Variants in TLE4 observed in about 807,000 individuals in gnomAD.
TLE4 encodes transducin-like enhancer protein 4.
A neutral mutation model predicts 92.8 loss-of-function variants in TLE4; 8 were observed. That is an observed-to-expected ratio of 0.09 (90% CI 0.05 to 0.16). The LOEUF is 0.16. TLE4 is among the 10% of genes least tolerant of loss of function. The pLI, the probability that TLE4 is intolerant of heterozygous loss-of-function variation, is 1.00. For synonymous variants in TLE4, 371 were observed against 374.1 expected (o/e 0.99, Z 0.10); for missense variants, 675 against 997.6 (o/e 0.68, Z 4.36).
At chr9:79,655,815 A>G (rs527255416) in intron 8 of TLE4, among the ~76,000 whole-genome samples, 63 of 152,330 alleles carry the variant, frequency 4.1e-4, no homozygotes, top group African/African-American at 1.5e-3. Flanking sequence ...TTATAAATAT[A>G]TACCTTTAGG....
At chr9:79,603,482 A>C (rs1587953230) in intron 4 of TLE4, among the ~76,000 whole-genome samples, 1 of 152,306 alleles carries the variant, frequency 6.6e-6, no homozygotes, top group East Asian at 1.9e-4. Flanking sequence ...ATTTTCTAGC[A>C]ATAAAGTATT....
intron 14 of TLE4, among the ~76,000 whole-genome samples, chr9:79,712,997 A>G (rs1322003199): frequency 6.6e-6 from 1 of 152,240 alleles, no homozygotes; most frequent in East Asian, 1.9e-4. Context: ...TGCCTGATAC[A>G]TAGTAAAAAC....
chr9:79,653,441 C>T (rs1161782620), intron 7 of TLE4, among the ~76,000 whole-genome samples: 1 of 152,170 alleles, frequency 6.6e-6, no homozygotes, highest in African/African-American at 2.4e-5. Context: ...GATTTCCTTC[C>T]TCCACTAAGG....
chr9:79,631,880 G>C lies in TLE4; in HGVS notation c.390+4432G>C, dbSNP rs116303967. On this transcript the variant is annotated intron_variant, in intron 6 of 19. Transcript: ENST00000376552. The stretch of plus-strand genomic sequence containing the variant: ...TATGTGGGTATATATAAAAATGTGT[G>C]TGTGTGTGTTTCCCTCCCTTACATT... Among the ~76,000 whole-genome samples the C allele has an allele frequency of 4.0e-3, 610 of 152,234 alleles. 5 individuals are homozygous for C. The highest frequency in any genetic ancestry group is 0.014 in the African/African-American group (584 of 41,530).
At chr9:79,612,123 G>C (rs561294032) in intron 4 of TLE4, among the ~76,000 whole-genome samples, 1 of 152,010 alleles carries the variant, frequency 6.6e-6, no homozygotes, top group Non-Finnish European at 1.5e-5. Flanking sequence ...GTAAGAATCC[G>C]AATTAGCCAA....
chr9:79,711,749 G>A (rs2073344222), intron 14 of TLE4, among the ~76,000 whole-genome samples: 1 of 152,184 alleles, frequency 6.6e-6, no homozygotes, highest in Admixed American at 6.5e-5. Flanking sequence ...CCCTTCATCA[G>A]TTTTAACTTT....
intron 7 of TLE4, 157 bp downstream of exon 7, chr9:79,652,951 T>C (rs1206147670): frequency 1.2e-6 from 1 of 854,820 alleles, no homozygotes; most frequent in Admixed American, 1.7e-5. Context: ...AGTAGTCAAT[T>C]GCCAAATGAT....
intron 8 of TLE4, among the ~76,000 whole-genome samples, chr9:79,682,195 C>G (rs949571936): frequency 6.6e-6 from 1 of 152,124 alleles, no homozygotes; most frequent in African/African-American, 2.4e-5. Context: ...CTTTTATCCA[C>G]TATTCTGAAA....
chr9:79,644,246 A>T (rs529229166), intron 6 of TLE4, among the ~76,000 whole-genome samples: 2 of 152,092 alleles, frequency 1.3e-5, no homozygotes, highest in Admixed American at 6.5e-5. Flanking sequence ...TGCCACGTGA[A>T]GAAGGGCATG....
intron 1 of TLE4, chr9:79,573,240 G>A: frequency 9.9e-7 from 1 of 1,013,890 alleles, no homozygotes; most frequent in Non-Finnish European, 1.2e-6. Flanking sequence ...GGCCCCTCGC[G>A]CCGCGGGCCG....
At chr9:79,578,216 T>C (rs1215854113) in intron 4 of TLE4, among the ~76,000 whole-genome samples, 1 of 152,166 alleles carries the variant, frequency 6.6e-6, no homozygotes, top group Admixed American at 6.5e-5. Flanking sequence ...AAAGCAGCAA[T>C]AATGCAGGGA....
intron 4 of TLE4, among the ~76,000 whole-genome samples, chr9:79,612,095 TTTG>T (rs2133057497): frequency 6.6e-6 from 1 of 152,162 alleles, no homozygotes; most frequent in East Asian, 1.9e-4. Context: ...AAGAAAACAT[TTTG>T]TTCTCCAAGA....
chr9:79,605,508 C>T (rs192759202), intron 4 of TLE4, among the ~76,000 whole-genome samples: 4 of 152,224 alleles, frequency 2.6e-5, no homozygotes. Context: ...CGAATAGGCA[C>T]CTATCTAGGA....
intron 5 of TLE4, among the ~76,000 whole-genome samples, chr9:79,623,203 A>T (rs560082382): frequency 4.7e-5 from 7 of 150,454 alleles, no homozygotes; most frequent in South Asian, 2.1e-4. Flanking sequence ...TTTTATTATT[A>T]TTTTTTTTTA....
intron 4 of TLE4, among the ~76,000 whole-genome samples, chr9:79,603,914 A>G (rs1178081251): frequency 1.3e-5 from 2 of 152,198 alleles, no homozygotes; most frequent in Non-Finnish European, 2.9e-5. Context: ...CAGCATTTTC[A>G]GCATCACCTT....
At chr9:79,646,338 C>A (rs1490303445) in intron 6 of TLE4, among the ~76,000 whole-genome samples, 1 of 152,172 alleles carries the variant, frequency 6.6e-6, no homozygotes, top group Non-Finnish European at 1.5e-5. Context: ...AGCAAGCTTT[C>A]ACTTTACTGT....
intron 8 of TLE4, among the ~76,000 whole-genome samples, chr9:79,685,666 A>G (rs556837450): frequency 2.0e-5 from 3 of 152,248 alleles, no homozygotes. Flanking sequence ...AGTCATCACA[A>G]AATATCTAAA....
chr9:79,630,514 A>C (rs1320232037), intron 6 of TLE4, among the ~76,000 whole-genome samples: 1 of 152,136 alleles, frequency 6.6e-6, no homozygotes, highest in Admixed American at 6.5e-5. Context: ...GATATTACAC[A>C]TTTCCTTCAG....
intron 8 of TLE4, among the ~76,000 whole-genome samples, chr9:79,661,572 T>C (rs1011365361): frequency 1.3e-5 from 2 of 152,220 alleles, no homozygotes; most frequent in Non-Finnish European, 2.9e-5. Flanking sequence ...AGCTGAGTAG[T>C]ACTTTCTGAA....
Sources: gnomAD v4.1 joint callset for allele counts (sites outside exome capture counted in the v4.1 genomes callset) on GRCh38, gnomAD v4.1.1 for gene constraint, MANE v1.5 for transcripts, NCBI Gene and HGNC (gene_info 2026-07-23, HGNC 2026-07-21) for gene names.